Variants in RBBP8 observed in about 807,000 individuals in gnomAD.
The protein encoded by RBBP8 is DNA endonuclease RBBP8.
Under a neutral mutation model 108.3 loss-of-function variants are expected in RBBP8, and 88 were observed. The ratio of observed to expected loss-of-function variants is 0.81; its 90% CI spans 0.68 to 0.97. The LOEUF is 0.97. Ranked by LOEUF, RBBP8 falls within the 50% of genes least tolerant of loss-of-function variation. The probability of loss-of-function intolerance (pLI) is 0.00; values close to 1 mark genes in which losing one functional copy is unlikely to be tolerated. For synonymous variants in RBBP8, 332 were observed against 348.2 expected (o/e 0.95, Z 0.52); for missense variants, 1,023 against 1,049.0 (o/e 0.98, Z 0.34).
At chr18:22,953,793 C>G (rs1912246225) in intron 4 of RBBP8, among the ~76,000 whole-genome samples, 1 of 151,800 alleles carries the variant, frequency 6.6e-6, no homozygotes, top group Admixed American at 6.6e-5. Flanking sequence ...ATTTAAAGGA[C>G]TGCCTGAGAT....
At chr18:22,980,167 A>G (rs1445246253) in intron 6 of RBBP8, among the ~76,000 whole-genome samples, 1 of 151,980 alleles carries the variant, frequency 6.6e-6, no homozygotes, top group Non-Finnish European at 1.5e-5. Flanking sequence ...AATCACTACA[A>G]CCCAGGAGGC....
intron 4 of RBBP8, among the ~76,000 whole-genome samples, chr18:22,952,651 G>A (rs1007064644): frequency 1.3e-5 from 2 of 152,124 alleles, no homozygotes; most frequent in Non-Finnish European, 2.9e-5. Context: ...GAGAAGCCAG[G>A]AAACTAGAAA....
intron 6 of RBBP8, among the ~76,000 whole-genome samples, chr18:22,976,439 T>C (rs1914503877): frequency 6.6e-6 from 1 of 152,160 alleles, no homozygotes; most frequent in South Asian, 2.1e-4. Flanking sequence ...AAGGTTATTT[T>C]TGAAATGTTG....
At chr18:23,022,384 T>A in intron 18 of RBBP8, 114 bp downstream of exon 18, 1 of 1,019,956 alleles carries the variant, frequency 9.8e-7, no homozygotes, top group East Asian at 2.7e-5. Context: ...GTGGATCACC[T>A]GAGGTCAGGA....
chr18:22,988,920 A>T (rs1567980510), intron 8 of RBBP8, among the ~76,000 whole-genome samples: 5 of 152,320 alleles, frequency 3.3e-5, no homozygotes, highest in Non-Finnish European at 7.3e-5. Flanking sequence ...TCCACTGTAA[A>T]TCCATTTTAA....
chr18:22,964,355 A>G (rs1913376618), intron 4 of RBBP8, among the ~76,000 whole-genome samples: 2 of 147,296 alleles, frequency 1.4e-5, no homozygotes, highest in South Asian at 2.1e-4. Context: ...GTTAACATCC[A>G]TTGTGCTGGA....
intron 3 of RBBP8, among the ~76,000 whole-genome samples, chr18:22,922,704 A>G (rs761096585): frequency 1.3e-5 from 2 of 152,086 alleles, no homozygotes; most frequent in Non-Finnish European, 2.9e-5. Context: ...GGCTCAAGCA[A>G]TCCGCCTGCC....
At chr18:23,022,311 A>G in intron 18 of RBBP8, 41 bp downstream of exon 18, 1 of 1,563,076 alleles carries the variant, frequency 6.4e-7, no homozygotes, top group Non-Finnish European at 8.8e-7. Flanking sequence ...TATTTTTTTT[A>G]AATACTTGGC....
intron 2 of RBBP8, among the ~76,000 whole-genome samples, chr18:22,943,201 C>G (rs1191536954): frequency 5.3e-5 from 8 of 150,826 alleles, no homozygotes; most frequent in African/African-American, 2.0e-4. Context: ...CTTGGGAGGC[C>G]AAGGCAGGAG....
intron 4 of RBBP8, among the ~76,000 whole-genome samples, chr18:22,960,328 A>G (rs1912978336): frequency 6.6e-6 from 1 of 152,212 alleles, no homozygotes. Context: ...AAGTAGGCAG[A>G]TCGCTTTAGC....
At chr18:22,979,908 A>G (rs1914776849) in intron 6 of RBBP8, among the ~76,000 whole-genome samples, 1 of 152,204 alleles carries the variant, frequency 6.6e-6, no homozygotes, top group Non-Finnish European at 1.5e-5. Flanking sequence ...CAAAGATCCC[A>G]TCCTCTTAGA....
intron 2 of RBBP8, among the ~76,000 whole-genome samples, chr18:22,945,643 CAAGGTGCTGGTATT>C (rs992059302): frequency 8.4e-4 from 128 of 152,204 alleles, no homozygotes; most frequent in African/African-American, 2.9e-3. Flanking sequence ...CTTGGCCTCC[CAAGGTGCTGGTATT>C]ACAGGCATGA....
At chr18:22,928,050 GAC>G (rs1909858096) in intron 3 of RBBP8, among the ~76,000 whole-genome samples, 2 of 151,872 alleles carry the variant, frequency 1.3e-5, no homozygotes, top group African/African-American at 4.8e-5. Flanking sequence ...CTCTACTAAA[GAC>G]ACAATAATTA....
chr18:22,924,131 T>TG (rs1371555249), intron 3 of RBBP8, among the ~76,000 whole-genome samples: 1 of 140,060 alleles, frequency 7.1e-6, no homozygotes, highest in South Asian at 2.4e-4. Context: ...TTTTTGGTTT[T>TG]TTTTTTTTTT....
At chr18:23,012,297 A>G (rs1433222071) in intron 16 of RBBP8, among the ~76,000 whole-genome samples, 1 of 151,904 alleles carries the variant, frequency 6.6e-6, no homozygotes, top group Non-Finnish European at 1.5e-5. Flanking sequence ...CTTTTAAATC[A>G]AATGCTAGAA....
chr18:23,009,065 A>G (rs7227419), intron 16 of RBBP8, among the ~76,000 whole-genome samples: 119,037 of 151,930 alleles, frequency 0.78, 46,871 homozygotes, highest in Middle Eastern at 0.92. Flanking sequence ...GAGCCACCTC[A>G]CCCGGCCATA....
chr18:23,015,429 C>T (rs1469060472), intron 16 of RBBP8, among the ~76,000 whole-genome samples: 2 of 152,076 alleles, frequency 1.3e-5, no homozygotes, highest in Non-Finnish European at 2.9e-5. Flanking sequence ...CAGTGAAAGG[C>T]AGAAATAAGA....
chr18:22,936,022 A>G (rs1365983820), intron 1 of RBBP8, among the ~76,000 whole-genome samples: 2 of 152,200 alleles, frequency 1.3e-5, no homozygotes, highest in Non-Finnish European at 2.9e-5. Flanking sequence ...ATGTGTATAT[A>G]TGTGGATGCT....
At chr18:22,914,987 C>G (rs111914670) in intron 1 of RBBP8, among the ~76,000 whole-genome samples, 3 of 152,048 alleles carry the variant, frequency 2.0e-5, no homozygotes, top group African/African-American at 7.2e-5. Context: ...TCTCTCTTTA[C>G]GTAATCCAAT....
Sources: allele counts gnomAD v4.1 joint callset (sites outside exome capture counted in the v4.1 genomes callset), GRCh38; gene constraint gnomAD v4.1.1; transcripts MANE v1.5; gene names NCBI Gene and HGNC (gene_info 2026-07-23, HGNC 2026-07-21).